Variants in SDK2 observed in about 807,000 individuals in gnomAD.
SDK2 encodes the protein protein sidekick-2.
Under a neutral mutation model 253.9 loss-of-function variants are expected in SDK2, and 105 were observed. The ratio of observed to expected loss-of-function variants is 0.41; its 90% CI spans 0.35 to 0.49. The LOEUF is 0.49. Ranked by LOEUF, SDK2 falls within the 20% of genes least tolerant of loss-of-function variation. The pLI, the probability that SDK2 is intolerant of heterozygous loss-of-function variation, is 0.06. For missense variants in SDK2, 2,608 were observed against 3,003.0 expected, an observed-to-expected ratio of 0.87 and a Z score of 3.07; for synonymous variants, 1,249 against 1,234.9, an observed-to-expected ratio of 1.01 and a Z score of -0.24.
chr17:73,410,291 ATGG>A (rs1335457078), intron 18 of SDK2, among the ~76,000 whole-genome samples: 5 of 129,324 alleles, frequency 3.9e-5, no homozygotes, highest in South Asian at 2.7e-4. Context: ...AAATGGTGTG[ATGG>A]TAATATTCCT....
At chr17:73,456,999 C>T (rs1567783957) in intron 3 of SDK2, among the ~76,000 whole-genome samples, 1 of 152,226 alleles carries the variant, frequency 6.6e-6, no homozygotes, top group Non-Finnish European at 1.5e-5. Context: ...GTCTCAGGCC[C>T]CCCAAGACCT....
At chr17:73,564,004 A>G (rs1438616291) in intron 1 of SDK2, among the ~76,000 whole-genome samples, 1 of 151,920 alleles carries the variant, frequency 6.6e-6, no homozygotes, top group Non-Finnish European at 1.5e-5. Flanking sequence ...CAAGCGATCC[A>G]CCCACCTTGT....
intron 13 of SDK2, 51 bp from the exon 14 acceptor site, chr17:73,423,573 G>GA: frequency 6.8e-7 from 1 of 1,468,010 alleles, no homozygotes; most frequent in Non-Finnish European, 9.1e-7. Flanking sequence ...GCAGGCAGGT[G>GA]ACGGGGGCGC....
intron 1 of SDK2, among the ~76,000 whole-genome samples, chr17:73,543,430 C>T (rs962189120): frequency 6.6e-6 from 1 of 152,238 alleles, no homozygotes; most frequent in Non-Finnish European, 1.5e-5. Flanking sequence ...TGTGGCACAG[C>T]CCATCCCTAT....
intron 22 of SDK2, 83 bp downstream of exon 22, chr17:73,399,085 G>T: frequency 7.0e-7 from 1 of 1,425,464 alleles, no homozygotes; most frequent in South Asian, 1.2e-5. Context: ...ATTCACACAG[G>T]CCGAAATACA....
chr17:73,401,653 C>T lies in SDK2; in HGVS notation c.2779+1G>A, dbSNP rs1414098211. The T allele has an allele frequency of 6.3e-7, 1 of 1,584,184 alleles. No homozygotes were observed. The highest frequency in any genetic ancestry group is 1.8e-5 in the Admixed American group (1 of 56,240). ...TGGTTCAGAAACACTGCAGTGCCTA[C>T]CTGTGAGGATGCCATTTTTCTCTCC... On this transcript the variant is annotated splice_donor_variant, in intron 20 of 44. Transcript: ENST00000392650. LOFTEE classifies it high-confidence loss of function.
At chr17:73,444,630 A>G (rs939082891) in intron 5 of SDK2, among the ~76,000 whole-genome samples, 4 of 152,194 alleles carry the variant, frequency 2.6e-5, no homozygotes, top group Non-Finnish European at 5.9e-5. Flanking sequence ...CATAGGCACC[A>G]ATTTACAGAT....
At chr17:73,597,012 A>G (rs1335963943) in intron 1 of SDK2, among the ~76,000 whole-genome samples, 2 of 152,192 alleles carry the variant, frequency 1.3e-5, no homozygotes, top group African/African-American at 2.4e-5. Flanking sequence ...TCCTCACTTC[A>G]GTCTGAACCT....
intron 1 of SDK2, among the ~76,000 whole-genome samples, chr17:73,560,634 C>G (rs545524692): frequency 6.6e-6 from 1 of 152,364 alleles, no homozygotes; most frequent in East Asian, 1.9e-4. Flanking sequence ...GCCACCTCGC[C>G]TGGCCTCATT....
At position 73,386,504 on chromosome 17, in the gene SDK2, T is replaced by C. The variant is rs750669601; in HGVS notation, c.4439A>G (p.Asn1480Ser). The C allele has an allele frequency of 5.8e-6, 9 of 1,562,076 alleles. No homozygotes were observed. In the South Asian group the frequency reaches 8.3e-5, roughly 14 times the overall value. The change falls in exon 31 of 45, where the codon AAT becomes AGT. Residue 1480 changes from asparagine (N) to serine (S), a missense_variant. By Grantham distance (46) the Asn-to-Ser change is conservative (BLOSUM62 1). This residue lies in a region of SDK2 where 1,103 missense variants were observed against 1,143.9 expected (regional missense o/e 0.96). Coordinates refer to ENST00000392650, the MANE Select transcript of SDK2 (RefSeq NM_001144952.2). ...GCTGAACTCGCTGTCGCCAATGTCATTGGTCGCCTTCACTCGGAACTTGTA... is the reference window on the plus strand; with the variant it reads ...GCTGAACTCGCTGTCGCCAATGTCACTGGTCGCCTTCACTCGGAACTTGTA... ...TSYKFRVKATNDIGDSEFSEE... is the reference protein window; with the variant it reads ...TSYKFRVKATSDIGDSEFSEE...
chr17:73,472,078 G>T, intron 3 of SDK2, 34 bp downstream of exon 3: 1 of 1,468,114 alleles, frequency 6.8e-7, no homozygotes, highest in Non-Finnish European at 9.3e-7. Context: ...CACCACAGTC[G>T]CCCCCCCTGC....
chr17:73,628,856 A>AC (rs952978036), intron 1 of SDK2, among the ~76,000 whole-genome samples: 3 of 151,656 alleles, frequency 2.0e-5, no homozygotes, highest in East Asian at 1.9e-4. Flanking sequence ...CTCTTCAGCC[A>AC]CCCCCTCCCA....
chr17:73,576,349 CGCGTCCCAAGGATGAGAGGG>C (rs372366917), intron 1 of SDK2, among the ~76,000 whole-genome samples: 5 of 151,806 alleles, frequency 3.3e-5, no homozygotes, highest in African/African-American at 1.2e-4. Context: ...AAATGGGAAG[CGCGTCCCAAGGATGAGAGGG>C]GCGTCCCAAG....
intron 32 of SDK2, 72 bp downstream of exon 32, chr17:73,385,775 C>T: frequency 1.4e-6 from 2 of 1,411,164 alleles, no homozygotes; most frequent in Non-Finnish European, 2.0e-6. Flanking sequence ...CTGGTGGGGA[C>T]TGCTGGCTTT....
At chr17:73,567,924 C>T (rs2045332321) in intron 1 of SDK2, among the ~76,000 whole-genome samples, 1 of 152,200 alleles carries the variant, frequency 6.6e-6, no homozygotes, top group Admixed American at 6.5e-5. Context: ...TCAAATGAGA[C>T]TTTAAACTTT....
Position 73,570,503 on chromosome 17 carries a change from C to T in SDK2, c.65-62906G>A, listed in dbSNP as rs966871326. On this transcript the variant is annotated intron_variant, in intron 1 of 44. Transcript: ENST00000392650. The surrounding 1 kb of genome is among the most constrained non-coding windows in gnomAD (Gnocchi z 4.2). The stretch of plus-strand genomic sequence containing the variant: ...AAAATCAAAAAGAGGGGGACCCACC[C>T]AGCACCCCTCTTGTGATGATGGCGG... 6.6e-6 allele frequency among the ~76,000 whole-genome samples: 1 copy of T among 152,134 alleles called. No homozygotes were observed. The highest frequency in any genetic ancestry group is 1.5e-5 in the Non-Finnish European group (1 of 68,022).
intron 44 of SDK2, among the ~76,000 whole-genome samples, chr17:73,339,395 T>G (rs905183930): frequency 3.3e-5 from 5 of 151,974 alleles, no homozygotes; most frequent in Admixed American, 3.3e-4. Context: ...CCTGGCTAAT[T>G]TTTTTGGTAT....
intron 2 of SDK2, among the ~76,000 whole-genome samples, chr17:73,489,869 CA>C (rs2063793931): frequency 6.6e-6 from 1 of 151,954 alleles, no homozygotes; most frequent in South Asian, 2.1e-4. Flanking sequence ...ATTTGGCCAA[CA>C]AAAAAGTGAA....
At chr17:73,598,410 C>T (rs969976855) in intron 1 of SDK2, among the ~76,000 whole-genome samples, 5 of 152,186 alleles carry the variant, frequency 3.3e-5, no homozygotes, top group African/African-American at 1.2e-4. Flanking sequence ...GCCGAGGCAG[C>T]CCCATGCATC....
Sources: allele counts gnomAD v4.1 joint callset (sites outside exome capture counted in the v4.1 genomes callset), GRCh38; gene constraint gnomAD v4.1.1; regional missense constraint gnomAD v4.1.1; non-coding constraint Gnocchi (gnomAD v3.1); transcripts MANE v1.5; gene names NCBI Gene and HGNC (gene_info 2026-07-23, HGNC 2026-07-21).